The following COL5A2 variants were observed in gnomAD, a reference collection of about 807,000 sequenced individuals.
COL5A2 encodes the protein collagen alpha-2(V) chain.
In COL5A2, 23 loss-of-function variants were observed where a neutral mutation model predicts 208.2. The ratio of observed to expected loss-of-function variants is 0.11; its 90% confidence interval spans 0.08 to 0.16. COL5A2 has a LOEUF of 0.16. COL5A2 is among the 10% of genes least tolerant of loss of function. COL5A2 has a pLI of 1.00. For synonymous variants in COL5A2, 625 were observed against 628.5 expected (o/e 0.99, Z 0.08); for missense variants, 1,590 against 1,956.4 (o/e 0.81, Z 3.53).
the COL5A2 span, among the ~76,000 whole-genome samples, chr2:189,232,529 G>C: frequency 2.0e-5 from 3 of 151,696 alleles, no homozygotes; most frequent in African/African-American, 7.2e-5. Context: ...GCAGATTACA[G>C]AGGAGTGAGT....
the COL5A2 span, among the ~76,000 whole-genome samples, chr2:189,329,630 GA>G: frequency 2.7e-5 from 4 of 150,896 alleles, no homozygotes; most frequent in Non-Finnish European, 4.4e-5. Flanking sequence ...ATAAACCTAG[GA>G]AAAAAAATAA....
chr2:189,146,283 T>G (rs1446356551), intron 1 of COL5A2, among the ~76,000 whole-genome samples: 5 of 152,170 alleles, frequency 3.3e-5, no homozygotes, highest in Non-Finnish European at 2.9e-5. Flanking sequence ...TGAACCTTAC[T>G]TATTCTATGG....
rs1685586153 is a variant in COL5A2 at position 189,042,710 on chromosome 2, T to C, written c.3525+10A>G. On this transcript the variant is annotated intron_variant, in intron 49 of 53. Transcript: ENST00000374866. ...TTTACACCTGCAACTTACTACTTTT[T>C]GTTACTTACTCTTGGGCCAAATGGT... The C allele has an allele frequency of 3.1e-6, 5 of 1,606,012 alleles. No homozygotes were observed. The South Asian group carries it at 5.6e-5, about 18-fold the overall frequency.
chr2:189,384,998 A>T, the COL5A2 span, among the ~76,000 whole-genome samples: 1 of 152,162 alleles, frequency 6.6e-6, no homozygotes, highest in African/African-American at 2.4e-5. Flanking sequence ...GCAGCATTCT[A>T]GTATTCATAT....
the COL5A2 span, among the ~76,000 whole-genome samples, chr2:189,253,793 C>G: frequency 6.6e-6 from 1 of 152,184 alleles, no homozygotes; most frequent in Admixed American, 6.5e-5. Context: ...TCATATTATT[C>G]TTGACCCTTA....
chr2:189,066,036 T>C (rs1686141091), intron 23 of COL5A2, among the ~76,000 whole-genome samples: 1 of 152,236 alleles, frequency 6.6e-6, no homozygotes, highest in Non-Finnish European at 1.5e-5. Context: ...TTTTAAAGTG[T>C]GTACATATAT....
the COL5A2 span, among the ~76,000 whole-genome samples, chr2:189,385,550 A>G: frequency 2.0e-5 from 3 of 152,164 alleles, no homozygotes; most frequent in Non-Finnish European, 2.9e-5. Context: ...CATACTCCAC[A>G]AAGCAATGTA....
chr2:189,381,820 C>T, the COL5A2 span, among the ~76,000 whole-genome samples: 2 of 151,996 alleles, frequency 1.3e-5, no homozygotes, highest in African/African-American at 4.8e-5. Flanking sequence ...CTAACTCAAA[C>T]ATCCTTTAAA....
At chr2:189,293,787 T>C in the COL5A2 span, among the ~76,000 whole-genome samples, 1 of 152,104 alleles carries the variant, frequency 6.6e-6, no homozygotes, top group African/African-American at 2.4e-5. Flanking sequence ...TTTCTATTGA[T>C]TAAAAGCAAC....
intron 1 of COL5A2, among the ~76,000 whole-genome samples, chr2:189,110,983 G>GT (rs1180829033): frequency 6.6e-6 from 1 of 152,128 alleles, no homozygotes; most frequent in Non-Finnish European, 1.5e-5. Context: ...TAAATGTACA[G>GT]TAAAAAAGTA....
chr2:189,135,394 C>A (rs1054580219), intron 1 of COL5A2, among the ~76,000 whole-genome samples: 1 of 152,134 alleles, frequency 6.6e-6, no homozygotes, highest in Non-Finnish European at 1.5e-5. Context: ...GGGCTTTGAA[C>A]GCTCTATGAA....
At chr2:189,437,437 C>T in the COL5A2 span, among the ~76,000 whole-genome samples, 1,347 of 152,264 alleles carry the variant, frequency 8.8e-3, 20 homozygotes, top group African/African-American at 0.03. Context: ...TGCTGGTCCA[C>T]GGACCACACT....
the COL5A2 span, among the ~76,000 whole-genome samples, chr2:189,276,635 CACTT>C: frequency 6.6e-6 from 1 of 152,102 alleles, no homozygotes; most frequent in African/African-American, 2.4e-5. Context: ...AAGTTTGACT[CACTT>C]AAGGCTCTAG....
intron 1 of COL5A2, among the ~76,000 whole-genome samples, chr2:189,206,830 G>GT (rs1162743680): frequency 1.4e-4 from 22 of 152,192 alleles, no homozygotes; most frequent in Admixed American, 4.6e-4. Context: ...CTCGAAAGTT[G>GT]TGTAGAATTG....
At chr2:189,270,351 T>C in the COL5A2 span, among the ~76,000 whole-genome samples, 152 of 152,300 alleles carry the variant, frequency 1.0e-3, 1 homozygote, top group Non-Finnish European at 1.6e-3. Flanking sequence ...AGATCTTTCC[T>C]GCTTTCTCTT....
In COL5A2 at chr2:189,063,223, T is replaced by C. The variant is rs779425239; in HGVS notation, c.1818A>G (p.Gly606=). ...CCATGCTCCCGGGCTGCCCTCTGATTCCTATGGAGCCTGGAGGACCTGGAC... is the reference window on the plus strand; with the variant it reads ...CCATGCTCCCGGGCTGCCCTCTGATCCCTATGGAGCCTGGAGGACCTGGAC... ...DGRPGPPGSI[G]IRGQPGSMGL... The change falls in exon 27 of 54, where the codon GGA becomes GGG. Residue 606 remains glycine (G), a synonymous_variant. Coordinates refer to ENST00000374866, the MANE Select transcript of COL5A2 (RefSeq NM_000393.5). 1.1e-5 allele frequency: 18 copies of C among 1,614,014 alleles called. No individual in the cohort carries two copies. The East Asian group carries it at 4.0e-4, about 36-fold the overall frequency.
At chr2:189,270,140 C>T in the COL5A2 span, among the ~76,000 whole-genome samples, 2 of 152,002 alleles carry the variant, frequency 1.3e-5, no homozygotes, top group African/African-American at 4.8e-5. Context: ...CTTTATTAGT[C>T]TGGCTGGCAT....
chr2:189,318,741 A>G, the COL5A2 span, among the ~76,000 whole-genome samples: 1 of 152,204 alleles, frequency 6.6e-6, no homozygotes, highest in Admixed American at 6.5e-5. Flanking sequence ...TCATCACTTC[A>G]TCTCCTCTCT....
chr2:189,415,850 C>T, the COL5A2 span, among the ~76,000 whole-genome samples: 159 of 152,096 alleles, frequency 1.0e-3, 4 homozygotes, highest in South Asian at 8.3e-3. Flanking sequence ...TTAGTAGAGG[C>T]GGGGTTTCAT....
Sources: allele counts gnomAD v4.1 joint callset (sites outside exome capture counted in the v4.1 genomes callset), GRCh38; gene constraint gnomAD v4.1.1; transcripts MANE v1.5; gene names NCBI Gene and HGNC (gene_info 2026-07-23, HGNC 2026-07-21).